Variants in KHDRBS2 observed in about 807,000 individuals in gnomAD.
KHDRBS2 encodes KH domain-containing, RNA-binding, signal transduction-associated protein 2.
A neutral mutation model predicts 44.3 loss-of-function variants in KHDRBS2; 26 were observed. The observed-to-expected ratio is 0.59, with a 90% CI of 0.43 to 0.81. The LOEUF (loss-of-function observed/expected upper bound fraction) is 0.81, where lower values mean the gene tolerates loss of function less well. Ranked by LOEUF, KHDRBS2 falls within the 40% of genes least tolerant of loss-of-function variation. KHDRBS2 has a pLI of 0.00. For synonymous variants in KHDRBS2, 194 were observed against 151.1 expected, an observed-to-expected ratio of 1.28 and a Z score of -2.08; for missense variants, 476 against 433.1, an observed-to-expected ratio of 1.10 and a Z score of -0.88.
the KHDRBS2 span, among the ~76,000 whole-genome samples, chr6:61,567,115 C>G: frequency 6.6e-6 from 1 of 152,152 alleles, no homozygotes; most frequent in African/African-American, 2.4e-5. Context: ...ACCATACAGA[C>G]TGAGAGACAA....
Position 61,901,265 on chromosome 6 carries a change from A to G in KHDRBS2, c.590T>C (p.Ile197Thr), listed in dbSNP as rs377470580. Reference protein sequence around the residue: ...GRGIRGRGIRIAPTAPSRGRG... With the variant: ...GRGIRGRGIRTAPTAPSRGRG... ...GTACCTTGAAGGAGCTGTGGGAGCT[A>G]TTCTGATCCCTCTGCCTCTAATACC... The change falls in exon 5 of 9, where the codon ATA becomes ACA. Residue 197 changes from isoleucine to threonine, a missense_variant. Coordinates refer to ENST00000281156, the MANE Select transcript of KHDRBS2 (RefSeq NM_152688.4). 1.2e-6 allele frequency: 2 copies of G among 1,613,778 alleles called. No individual in the cohort carries two copies. Among genetic ancestry groups the G allele is most frequent in the Non-Finnish European group, 1.7e-6 (2 of 1,179,804 alleles).
chr6:61,891,649 C>A (rs1371451443), intron 6 of KHDRBS2, among the ~76,000 whole-genome samples: 2 of 152,102 alleles, frequency 1.3e-5, no homozygotes, highest in African/African-American at 4.8e-5. Context: ...ACGACAAAAA[C>A]CACATGATTA....
chr6:62,240,607 T>C (rs12525426), intron 1 of KHDRBS2, among the ~76,000 whole-genome samples: 1 of 146,664 alleles, frequency 6.8e-6, no homozygotes, highest in Non-Finnish European at 1.5e-5. Flanking sequence ...TACATACATA[T>C]ATCTACATAT....
chr6:62,248,016 A>G (rs1255330151), intron 1 of KHDRBS2, among the ~76,000 whole-genome samples: 1 of 152,104 alleles, frequency 6.6e-6, no homozygotes, highest in Non-Finnish European at 1.5e-5. Flanking sequence ...CAGCCTCTAA[A>G]TTATTTTTAG....
At chr6:61,577,146 T>G in the KHDRBS2 span, among the ~76,000 whole-genome samples, 1 of 152,064 alleles carries the variant, frequency 6.6e-6, no homozygotes. Flanking sequence ...TTTTTTGTTT[T>G]TTTTTTTTAA....
At chr6:62,032,135 G>A (rs1784441919) in intron 3 of KHDRBS2, among the ~76,000 whole-genome samples, 1 of 152,052 alleles carries the variant, frequency 6.6e-6, no homozygotes, top group South Asian at 2.1e-4. Flanking sequence ...CAAGACCATT[G>A]TGATGGTTAA....
At position 62,024,812 on chromosome 6, in the gene KHDRBS2, T is replaced by G. The variant is rs867938541; in HGVS notation, c.336+23066A>C. On this transcript the variant is annotated intron_variant, in intron 3 of 8. Transcript: ENST00000281156. The stretch of plus-strand genomic sequence containing the variant: ...AATTTAATGAAAATGCTGTCTCTAT[T>G]ATAGCATTACAGGATTTCTTGTAAC... Among the ~76,000 whole-genome samples the G allele has an allele frequency of 2.0e-5, 3 of 151,780 alleles. No homozygotes were observed. In the Middle Eastern group the frequency reaches 0.01, roughly 516 times the overall value.
At chr6:62,050,767 A>G (rs1584370722) in intron 2 of KHDRBS2, among the ~76,000 whole-genome samples, 1 of 152,042 alleles carries the variant, frequency 6.6e-6, no homozygotes, top group East Asian at 1.9e-4. Context: ...CAGTTCCACT[A>G]TGATCCAGTA....
chr6:61,850,583 C>T (rs1294759864), intron 6 of KHDRBS2, among the ~76,000 whole-genome samples: 2 of 152,132 alleles, frequency 1.3e-5, no homozygotes, highest in Non-Finnish European at 2.9e-5. Flanking sequence ...GTATCAATCA[C>T]ACTTCAGAAA....
intron 1 of KHDRBS2, among the ~76,000 whole-genome samples, chr6:62,276,275 A>T (rs1330295392): frequency 6.6e-6 from 1 of 152,002 alleles, no homozygotes; most frequent in African/African-American, 2.4e-5. Flanking sequence ...ACATACAGAT[A>T]ACATTTAAAT....
chr6:61,875,218 T>C (rs1470971616), intron 6 of KHDRBS2, among the ~76,000 whole-genome samples: 1 of 150,358 alleles, frequency 6.7e-6, no homozygotes, highest in East Asian at 2.0e-4. Context: ...GAGAGAGTGG[T>C]GTTGAAAAGC....
At chr6:62,185,128 T>G (rs1460854703) in intron 1 of KHDRBS2, among the ~76,000 whole-genome samples, 1 of 151,922 alleles carries the variant, frequency 6.6e-6, no homozygotes, top group African/African-American at 2.4e-5. Context: ...CATTGTTGTC[T>G]GGCAATAATT....
At chr6:61,878,751 C>T (rs1372841963) in intron 6 of KHDRBS2, among the ~76,000 whole-genome samples, 15 of 151,932 alleles carry the variant, frequency 9.9e-5, no homozygotes, top group African/African-American at 1.9e-4. Context: ...AGGCTATGAG[C>T]GCCACTTTTC....
At chr6:62,279,068 T>C (rs372777346) in intron 1 of KHDRBS2, among the ~76,000 whole-genome samples, 49 of 152,180 alleles carry the variant, frequency 3.2e-4, no homozygotes, top group African/African-American at 1.1e-3. Context: ...CACTCCAGCC[T>C]GGGTGACAGA....
chr6:61,701,101 T>C (rs1205119702), intron 7 of KHDRBS2, among the ~76,000 whole-genome samples: 1 of 151,910 alleles, frequency 6.6e-6, no homozygotes, highest in Non-Finnish European at 1.5e-5. Flanking sequence ...ATGGCCCTTG[T>C]TATGCCATTG....
At chr6:61,574,611 G>A in the KHDRBS2 span, among the ~76,000 whole-genome samples, 1,710 of 152,146 alleles carry the variant, frequency 0.011, 7 homozygotes, top group Middle Eastern at 0.027. Flanking sequence ...TTTGACTAAC[G>A]GAACAAGTTA....
At chr6:61,573,255 T>A in the KHDRBS2 span, among the ~76,000 whole-genome samples, 2 of 152,168 alleles carry the variant, frequency 1.3e-5, no homozygotes, top group African/African-American at 4.8e-5. Context: ...GGAATATACT[T>A]AACTAAGGAA....
intron 2 of KHDRBS2, among the ~76,000 whole-genome samples, chr6:62,133,187 A>G (rs1810733928): frequency 1.3e-5 from 2 of 152,266 alleles, no homozygotes; most frequent in South Asian, 4.1e-4. Context: ...GATTGGTGAT[A>G]TGGTTTGGTT....
At chr6:61,648,733 C>T in the KHDRBS2 span, among the ~76,000 whole-genome samples, 18 of 152,218 alleles carry the variant, frequency 1.2e-4, no homozygotes, top group South Asian at 1.9e-3. Context: ...AAGAAGCCAA[C>T]GTGTGGCCTG....
Sources: allele counts gnomAD v4.1 joint callset (sites outside exome capture counted in the v4.1 genomes callset), GRCh38; gene constraint gnomAD v4.1.1; transcripts MANE v1.5; gene names NCBI Gene and HGNC (gene_info 2026-07-23, HGNC 2026-07-21).